Variants in CNTNAP5 observed in about 807,000 individuals in gnomAD.
CNTNAP5 encodes the protein contactin associated protein family member 5, also known as contactin-associated protein-like 5.
Under a neutral mutation model 150.2 loss-of-function variants are expected in CNTNAP5, and 72 were observed. That is an observed-to-expected ratio of 0.48 (90% CI 0.40 to 0.58). The LOEUF (loss-of-function observed/expected upper bound fraction) is 0.58, where lower values mean the gene tolerates loss of function less well. Among genes scored for constraint, CNTNAP5 ranks in the 20% least tolerant of loss-of-function variants. The pLI is 0.00. For missense variants in CNTNAP5, 1,636 were observed against 1,626.2 expected, an observed-to-expected ratio of 1.01 and a Z score of -0.10; for synonymous variants, 672 against 619.8, an observed-to-expected ratio of 1.08 and a Z score of -1.25.
chr2:124,631,418 C>T (rs1421976960), intron 12 of CNTNAP5, among the ~76,000 whole-genome samples: 1 of 152,104 alleles, frequency 6.6e-6, no homozygotes, highest in Non-Finnish European at 1.5e-5. Flanking sequence ...AGAAATGAAA[C>T]CATACGTCTA....
chr2:124,834,107 T>C (rs2104684593), intron 19 of CNTNAP5, among the ~76,000 whole-genome samples: 1 of 152,304 alleles, frequency 6.6e-6, no homozygotes, highest in Admixed American at 6.5e-5. Flanking sequence ...TAGTTACTAT[T>C]AGTATTATTC....
At chr2:124,060,021 C>T (rs1173631846) in intron 1 of CNTNAP5, among the ~76,000 whole-genome samples, 4 of 152,022 alleles carry the variant, frequency 2.6e-5, no homozygotes, top group African/African-American at 7.2e-5. Flanking sequence ...CTGTAATAGT[C>T]GATGATTTGT....
intron 13 of CNTNAP5, among the ~76,000 whole-genome samples, chr2:124,655,978 A>AGAAAGAAG (rs1678442969): frequency 2.0e-5 from 3 of 148,526 alleles, no homozygotes; most frequent in South Asian, 2.2e-4. Flanking sequence ...AAAGAAAGAA[A>AGAAAGAAG]GAAAGAAAGA....
At chr2:124,454,598 C>T (rs1693069673) in intron 6 of CNTNAP5, among the ~76,000 whole-genome samples, 1 of 152,182 alleles carries the variant, frequency 6.6e-6, no homozygotes, top group African/African-American at 2.4e-5. Flanking sequence ...GTATTCTATT[C>T]AACAGTGCGT....
At position 124,366,395 on chromosome 2, in the gene CNTNAP5, A is replaced by G. The variant is rs1412464562; in HGVS notation, c.382-51048A>G. On this transcript the variant is annotated intron_variant, in intron 3 of 23. Coordinates refer to ENST00000682447, the MANE Select transcript of CNTNAP5 (RefSeq NM_001367498.1). ...TCTGTAGTCAAAATATAACACATTA[A>G]AAAATACAATGAAAAATAATTATAC... Among the ~76,000 whole-genome samples the G allele has an allele frequency of 2.6e-5, 4 of 152,200 alleles. No homozygotes were observed. The East Asian group carries it at 7.7e-4, about 29-fold the overall frequency.
intron 3 of CNTNAP5, among the ~76,000 whole-genome samples, chr2:124,408,362 C>T (rs1380005154): frequency 6.6e-5 from 10 of 150,430 alleles, no homozygotes; most frequent in Admixed American, 1.3e-4. Context: ...CCGGGAAGCT[C>T]GGACTGGGTG....
intron 8 of CNTNAP5, among the ~76,000 whole-genome samples, chr2:124,507,851 A>C (rs984704048): frequency 6.6e-6 from 1 of 152,212 alleles, no homozygotes; most frequent in African/African-American, 2.4e-5. Context: ...AAGCTTCCTC[A>C]TGAGCCTCTC....
intron 17 of CNTNAP5, among the ~76,000 whole-genome samples, chr2:124,786,523 G>GAAAGAAAGAAAGAA (rs1553442195): frequency 1.5e-5 from 2 of 137,702 alleles, no homozygotes; most frequent in African/African-American, 6.1e-5. Flanking sequence ...AAGAAAGAAA[G>GAAAGAAAGAAAGAA]AGAAAGAAAG....
chr2:124,072,103 T>A (rs564034700), intron 1 of CNTNAP5, among the ~76,000 whole-genome samples: 8 of 152,090 alleles, frequency 5.3e-5, no homozygotes, highest in African/African-American at 1.7e-4. Context: ...GTGTGATACA[T>A]CTTATCAGCA....
chr2:124,544,026 C>T (rs562552336), intron 10 of CNTNAP5, among the ~76,000 whole-genome samples: 62 of 152,066 alleles, frequency 4.1e-4, no homozygotes, highest in African/African-American at 1.3e-3. Flanking sequence ...GAACTATGCT[C>T]ATTTTACCAA....
intron 13 of CNTNAP5, among the ~76,000 whole-genome samples, chr2:124,691,272 G>A (rs1363032302): frequency 6.6e-6 from 1 of 152,114 alleles, no homozygotes; most frequent in Non-Finnish European, 1.5e-5. Context: ...ATCATACAAG[G>A]TAGGTCAGAT....
chr2:124,805,562 T>G (rs1271588687), intron 19 of CNTNAP5, among the ~76,000 whole-genome samples: 1 of 152,098 alleles, frequency 6.6e-6, no homozygotes, highest in Non-Finnish European at 1.5e-5. Flanking sequence ...GTCAGTCCTC[T>G]AAGACCCTCA....
intron 17 of CNTNAP5, among the ~76,000 whole-genome samples, chr2:124,786,552 A>G (rs1241005057): frequency 1.3e-5 from 2 of 151,626 alleles, no homozygotes; most frequent in African/African-American, 2.4e-5. Flanking sequence ...GAGAAAGGAA[A>G]GAAAGAAAGA....
At chr2:124,830,857 G>A (rs1474445188) in intron 19 of CNTNAP5, among the ~76,000 whole-genome samples, 2 of 151,916 alleles carry the variant, frequency 1.3e-5, no homozygotes, top group Non-Finnish European at 2.9e-5. Context: ...TCTTCTCAAG[G>A]AGAAAAGGAA....
chr2:124,893,577 T>G (rs1041697313), intron 21 of CNTNAP5, among the ~76,000 whole-genome samples: 5 of 152,236 alleles, frequency 3.3e-5, no homozygotes, highest in African/African-American at 9.6e-5. Flanking sequence ...CTAGTATTAT[T>G]ATGGAGCAAT....
intron 13 of CNTNAP5, among the ~76,000 whole-genome samples, chr2:124,663,486 A>G (rs901571255): frequency 2.0e-5 from 3 of 152,230 alleles, no homozygotes; most frequent in Non-Finnish European, 4.4e-5. Flanking sequence ...GACACTGTAA[A>G]AATTTATCTG....
At chr2:124,565,669 G>A (rs1171413654) in intron 11 of CNTNAP5, among the ~76,000 whole-genome samples, 2 of 122,818 alleles carry the variant, frequency 1.6e-5, no homozygotes, top group South Asian at 2.8e-4. Context: ...GCGCGATCTC[G>A]GCTCACTGCA....
intron 3 of CNTNAP5, among the ~76,000 whole-genome samples, chr2:124,268,763 C>A (rs1026375737): frequency 6.6e-6 from 1 of 152,142 alleles, no homozygotes; most frequent in Non-Finnish European, 1.5e-5. Flanking sequence ...CACCTTGGTC[C>A]CATAGGTGCC....
chr2:124,888,055 A>T (rs1432700039), intron 21 of CNTNAP5, among the ~76,000 whole-genome samples: 1 of 152,024 alleles, frequency 6.6e-6, no homozygotes, highest in Non-Finnish European at 1.5e-5. Flanking sequence ...GATATGATTG[A>T]CCTCATCACC....
Sources: allele counts gnomAD v4.1 joint callset (sites outside exome capture counted in the v4.1 genomes callset), GRCh38; gene constraint gnomAD v4.1.1; transcripts MANE v1.5; gene names NCBI Gene and HGNC (gene_info 2026-07-23, HGNC 2026-07-21).